ROBO2: variants seen among roughly 807,000 people sequenced by gnomAD.
ROBO2 encodes roundabout guidance receptor 2.
ROBO2 carries 53 observed loss-of-function variants against 160.8 expected under a neutral mutation model. The ratio of observed to expected loss-of-function variants is 0.33; its 90% CI spans 0.26 to 0.41. The LOEUF (loss-of-function observed/expected upper bound fraction) is 0.41, where lower values mean the gene tolerates loss of function less well. Among genes scored for constraint, ROBO2 ranks in the 10% least tolerant of loss-of-function variants. The pLI, the probability that ROBO2 is intolerant of heterozygous loss-of-function variation, is 1.00. For synonymous variants in ROBO2, 664 were observed against 611.7 expected (o/e 1.09, Z -1.26); for missense variants, 1,577 against 1,722.4 (o/e 0.92, Z 1.49).
chr3:77,299,965 T>A (rs2062502889), intron 2 of ROBO2, among the ~76,000 whole-genome samples: 1 of 152,014 alleles, frequency 6.6e-6, no homozygotes, highest in Admixed American at 6.6e-5. Flanking sequence ...GATTCAAATG[T>A]TTCCGTGTCA....
chr3:76,077,993 C>G (rs746343864), intron 2 of ROBO2, among the ~76,000 whole-genome samples: 7 of 152,182 alleles, frequency 4.6e-5, no homozygotes, highest in Non-Finnish European at 7.4e-5. Flanking sequence ...AAATTTACTG[C>G]TAACAACCCT....
intron 2 of ROBO2, among the ~76,000 whole-genome samples, chr3:76,731,865 G>A (rs6548444): frequency 0.66 from 99,688 of 151,970 alleles, 32,811 homozygotes; most frequent in African/African-American, 0.72. Flanking sequence ...AATACTTCAG[G>A]GAAATATCAA....
chr3:76,724,174 C>T (rs916163152), intron 2 of ROBO2, among the ~76,000 whole-genome samples: 1 of 152,134 alleles, frequency 6.6e-6, no homozygotes, highest in Non-Finnish European at 1.5e-5. Flanking sequence ...TTAGCATTCT[C>T]CTGTCTTCAT....
intron 2 of ROBO2, among the ~76,000 whole-genome samples, chr3:75,964,349 T>C (rs947943739): frequency 5.3e-5 from 8 of 151,718 alleles, no homozygotes; most frequent in African/African-American, 1.9e-4. Flanking sequence ...CGTAAAGCTT[T>C]TATATAGTTC....
intron 18 of ROBO2, 87 bp from the exon 20 acceptor site, chr3:77,596,536 T>C (rs1286728615): frequency 1.6e-5 from 24 of 1,534,190 alleles, no homozygotes; most frequent in Non-Finnish European, 2.1e-5. Flanking sequence ...AAATCTTCCA[T>C]TTCTTAACGC....
At chr3:77,333,847 C>CT (rs753404889) in intron 2 of ROBO2, among the ~76,000 whole-genome samples, 77 of 152,186 alleles carry the variant, frequency 5.1e-4, no homozygotes, top group Admixed American at 1.2e-3. Context: ...CTTTGTTTCT[C>CT]TTTTTTCTGA....
At chr3:76,165,944 C>T (rs1420994402) in intron 2 of ROBO2, among the ~76,000 whole-genome samples, 17 of 152,060 alleles carry the variant, frequency 1.1e-4, no homozygotes, top group Non-Finnish European at 4.4e-5. Flanking sequence ...AGTTTGCTGT[C>T]TTATAGGGAG....
intron 7 of ROBO2, among the ~76,000 whole-genome samples, chr3:77,548,615 A>G (rs2092793520): frequency 6.6e-6 from 1 of 152,094 alleles, no homozygotes; most frequent in South Asian, 2.1e-4. Context: ...GTTTCAAAAT[A>G]AATAACAATT....
At chr3:76,097,439 A>G (rs1458761547) in intron 2 of ROBO2, among the ~76,000 whole-genome samples, 3 of 152,152 alleles carry the variant, frequency 2.0e-5, no homozygotes. Flanking sequence ...ATCCTTCTGC[A>G]TAGATGAGTT....
intron 2 of ROBO2, among the ~76,000 whole-genome samples, chr3:77,456,841 G>T (rs1384961989): frequency 1.3e-5 from 2 of 152,134 alleles, no homozygotes; most frequent in Admixed American, 1.3e-4. Context: ...ATGTCATGCA[G>T]TTCCCATCAT....
At chr3:77,029,977 G>A (rs1384254810) in intron 2 of ROBO2, among the ~76,000 whole-genome samples, 4 of 149,158 alleles carry the variant, frequency 2.7e-5, no homozygotes, top group East Asian at 2.0e-4. Flanking sequence ...ACAGAGTCTC[G>A]CTCTGTCGCC....
At chr3:76,680,255 C>G (rs2092522127) in intron 2 of ROBO2, among the ~76,000 whole-genome samples, 1 of 151,896 alleles carries the variant, frequency 6.6e-6, no homozygotes, top group African/African-American at 2.4e-5. Flanking sequence ...GCCTTACCTC[C>G]TACACCCCAA....
chr3:76,600,542 A>C (rs1169160568), intron 2 of ROBO2, among the ~76,000 whole-genome samples: 1 of 152,164 alleles, frequency 6.6e-6, no homozygotes, highest in East Asian at 1.9e-4. Context: ...ACAGCAGGCA[A>C]GAGAGAGAAT....
At chr3:77,461,382 T>C (rs1292654786) in intron 2 of ROBO2, among the ~76,000 whole-genome samples, 5 of 152,152 alleles carry the variant, frequency 3.3e-5, no homozygotes, top group African/African-American at 1.2e-4. Flanking sequence ...AAATTGAATT[T>C]ACTGGTATTG....
At chr3:77,527,547 A>G in intron 6 of ROBO2, 133 bp downstream of exon 7, 2 of 597,240 alleles carry the variant, frequency 3.3e-6, no homozygotes, top group Non-Finnish European at 4.6e-6. Flanking sequence ...TGTATGCTGT[A>G]AAAGTTGCTC....
chr3:77,030,964 C>G (rs2063285331), intron 2 of ROBO2, among the ~76,000 whole-genome samples: 1 of 152,088 alleles, frequency 6.6e-6, no homozygotes, highest in Non-Finnish European at 1.5e-5. Flanking sequence ...TGTATTGCCC[C>G]CATGAATTTA....
chr3:76,427,477 G>C (rs2076268424), intron 2 of ROBO2, among the ~76,000 whole-genome samples: 1 of 152,088 alleles, frequency 6.6e-6, no homozygotes, highest in Non-Finnish European at 1.5e-5. Flanking sequence ...ACAGCAAAGG[G>C]GGTTGTCAGA....
chr3:77,100,165 T>TTG (rs777209899), intron 2 of ROBO2, among the ~76,000 whole-genome samples: 7 of 151,936 alleles, frequency 4.6e-5, no homozygotes, highest in Non-Finnish European at 8.8e-5. Flanking sequence ...ACCATGATTT[T>TTG]TGTGTGTGTG....
At chr3:76,555,739 GAGTA>G (rs2083748339) in intron 2 of ROBO2, among the ~76,000 whole-genome samples, 1 of 152,018 alleles carries the variant, frequency 6.6e-6, no homozygotes, top group Admixed American at 6.5e-5. Flanking sequence ...CAGAAGTAAT[GAGTA>G]ATTAGTTAAG....
Sources: gnomAD v4.1 joint callset for allele counts (sites outside exome capture counted in the v4.1 genomes callset) on GRCh38, gnomAD v4.1.1 for gene constraint, MANE v1.5 for transcripts, NCBI Gene and HGNC (gene_info 2026-07-23, HGNC 2026-07-21) for gene names.